GRK5: variants seen among roughly 807,000 people sequenced by gnomAD.
GRK5 encodes the protein g protein-coupled receptor kinase GRK5.
A neutral mutation model predicts 78.4 loss-of-function variants in GRK5; 40 were observed. That is an observed-to-expected ratio of 0.51 (90% CI 0.40 to 0.66). GRK5 has a LOEUF of 0.66. Ranked by LOEUF, GRK5 falls within the 30% of genes least tolerant of loss-of-function variation. The pLI is 0.00. For synonymous variants in GRK5, 289 were observed against 296.8 expected (o/e 0.97, Z 0.27); for missense variants, 598 against 759.9 (o/e 0.79, Z 2.50).
At chr10:119,259,037 C>G (rs1171379152) in intron 1 of GRK5, among the ~76,000 whole-genome samples, 1 of 150,516 alleles carries the variant, frequency 6.6e-6, no homozygotes, top group Non-Finnish European at 1.5e-5. Context: ...CTTCCATCCT[C>G]TTTCCATGAC....
intron 11 of GRK5, 148 bp downstream of exon 11, chr10:119,442,236 G>T: frequency 1.4e-6 from 1 of 722,072 alleles, no homozygotes; most frequent in Non-Finnish European, 2.4e-6. Context: ...AGGGCTGCTG[G>T]GGGGCGGCCT....
chr10:119,341,348 G>A (rs1407460311), intron 2 of GRK5, among the ~76,000 whole-genome samples: 5 of 152,192 alleles, frequency 3.3e-5, no homozygotes, highest in Non-Finnish European at 7.3e-5. Context: ...GACCAGGCCC[G>A]GCCTCTCCGC....
intron 2 of GRK5, among the ~76,000 whole-genome samples, chr10:119,348,072 G>T (rs964982575): frequency 6.6e-6 from 1 of 152,230 alleles, no homozygotes. Context: ...TCAGTCGCCA[G>T]TGCCCCAGTG....
chr10:119,211,978 C>T (rs1322277277), intron 1 of GRK5, among the ~76,000 whole-genome samples: 2 of 152,192 alleles, frequency 1.3e-5, no homozygotes, highest in Non-Finnish European at 2.9e-5. Flanking sequence ...AAGCTCAAAG[C>T]CCTCTTATGG....
chr10:119,323,296 G>A (rs1850617285), intron 1 of GRK5, among the ~76,000 whole-genome samples: 1 of 152,202 alleles, frequency 6.6e-6, no homozygotes, highest in Non-Finnish European at 1.5e-5. Flanking sequence ...GGTTAAACTG[G>A]TACATTTTAT....
At chr10:119,314,215 A>G (rs1264299554) in intron 1 of GRK5, among the ~76,000 whole-genome samples, 3 of 152,214 alleles carry the variant, frequency 2.0e-5, no homozygotes, top group African/African-American at 7.2e-5. Context: ...CCCCTGACTG[A>G]GCGGCAGGCG....
chr10:119,242,475 G>C (rs1049309102), intron 1 of GRK5, among the ~76,000 whole-genome samples: 2 of 150,516 alleles, frequency 1.3e-5, no homozygotes, highest in Non-Finnish European at 3.0e-5. Flanking sequence ...GTACCTGACT[G>C]GCTGACAGTG....
At chr10:119,332,961 T>A (rs552206363) in intron 2 of GRK5, among the ~76,000 whole-genome samples, 2 of 152,344 alleles carry the variant, frequency 1.3e-5, no homozygotes, top group African/African-American at 4.8e-5. Flanking sequence ...TTCTTACCCA[T>A]AACTCCGTCT....
At chr10:119,440,933 G>A (rs548339941) in intron 10 of GRK5, among the ~76,000 whole-genome samples, 14 of 152,298 alleles carry the variant, frequency 9.2e-5, no homozygotes, top group African/African-American at 3.4e-4. Flanking sequence ...TGACAAAACT[G>A]AGCCTCAGGG....
chr10:119,447,191 T>G (rs1223301305), intron 12 of GRK5, among the ~76,000 whole-genome samples: 1 of 152,140 alleles, frequency 6.6e-6, no homozygotes, highest in Non-Finnish European at 1.5e-5. Context: ...CCTCATCCCG[T>G]CTCACCTGGG....
intron 9 of GRK5, 67 bp downstream of exon 9, chr10:119,436,908 C>T: frequency 7.0e-7 from 1 of 1,424,942 alleles, no homozygotes. Flanking sequence ...CCTCCACACC[C>T]TCGGGCAGGT....
intron 3 of GRK5, among the ~76,000 whole-genome samples, chr10:119,386,673 C>T (rs962873664): frequency 1.8e-4 from 28 of 152,170 alleles, no homozygotes; most frequent in African/African-American, 5.1e-4. Context: ...TGGGAATTAG[C>T]GAGACTTTTT....
intron 3 of GRK5, among the ~76,000 whole-genome samples, chr10:119,390,130 G>A (rs1851864630): frequency 6.6e-6 from 1 of 152,192 alleles, no homozygotes; most frequent in Non-Finnish European, 1.5e-5. Flanking sequence ...AGCTGGTGGG[G>A]GTGAGGATGG....
chr10:119,408,964 T>G (rs1469649694), intron 4 of GRK5, among the ~76,000 whole-genome samples: 1 of 152,216 alleles, frequency 6.6e-6, no homozygotes, highest in African/African-American at 2.4e-5. Context: ...GTTGTCTTCT[T>G]GAAAGTTAAC....
chr10:119,453,483 C>T (rs1007761683), intron 15 of GRK5, among the ~76,000 whole-genome samples: 1 of 152,188 alleles, frequency 6.6e-6, no homozygotes, highest in African/African-American at 2.4e-5. Context: ...CAGGGCCAGC[C>T]CAAATTCACC....
At position 119,238,970 on chromosome 10, in the gene GRK5, G is replaced by T. The variant is rs991704135; in HGVS notation, c.52+31001G>T. ...TGAAGCCAAGGCATTAGAGAAACGT[G>T]ATTTTTCATTTAATTATATATATAG... is the stretch of plus-strand genomic sequence containing the variant. On this transcript the variant is annotated intron_variant, in intron 1 of 15. Transcript: ENST00000392870. The surrounding 1 kb of genome is among the most constrained non-coding windows in gnomAD (Gnocchi z 4.7). 2.0e-5 allele frequency among the ~76,000 whole-genome samples: 3 copies of T among 152,044 alleles called. No individual in the cohort carries two copies. The highest frequency in any genetic ancestry group is 4.4e-5 in the Non-Finnish European group (3 of 68,012).
At chr10:119,218,041 G>C (rs569670963) in intron 1 of GRK5, among the ~76,000 whole-genome samples, 27 of 151,896 alleles carry the variant, frequency 1.8e-4, no homozygotes, top group African/African-American at 6.5e-4. Flanking sequence ...TGGTAACCTT[G>C]AGTGTTTGCA....
At chr10:119,360,266 C>G (rs1348049777) in intron 2 of GRK5, among the ~76,000 whole-genome samples, 1 of 152,172 alleles carries the variant, frequency 6.6e-6, no homozygotes, top group Non-Finnish European at 1.5e-5. Context: ...CAGCCCTGCC[C>G]CAAAGCAGAG....
intron 4 of GRK5, among the ~76,000 whole-genome samples, chr10:119,420,690 C>T (rs1028251085): frequency 1.3e-5 from 2 of 151,792 alleles, no homozygotes; most frequent in East Asian, 1.9e-4. Flanking sequence ...GGAATCCTCC[C>T]GCCTCAGCCT....
Sources: allele counts gnomAD v4.1 joint callset (sites outside exome capture counted in the v4.1 genomes callset), GRCh38; gene constraint gnomAD v4.1.1; non-coding constraint Gnocchi (gnomAD v3.1); transcripts MANE v1.5; gene names NCBI Gene and HGNC (gene_info 2026-07-23, HGNC 2026-07-21).